The following SMYD3 variants were observed in gnomAD, a reference collection of about 807,000 sequenced individuals.
SMYD3 encodes the protein histone-lysine N-methyltransferase SMYD3.
SMYD3 carries 36 observed loss-of-function variants against 57.7 expected under a neutral mutation model. The ratio of observed to expected loss-of-function variants is 0.62; its 90% CI spans 0.48 to 0.82. The LOEUF (loss-of-function observed/expected upper bound fraction) is 0.82, where lower values mean the gene tolerates loss of function less well. Ranked by LOEUF, SMYD3 falls within the 40% of genes least tolerant of loss-of-function variation. The probability of loss-of-function intolerance (pLI) is 0.00; values close to 1 mark genes in which losing one functional copy is unlikely to be tolerated. For synonymous variants in SMYD3, 211 were observed against 195.0 expected (o/e 1.08, Z -0.68); for missense variants, 515 against 538.8 (o/e 0.96, Z 0.44).
chr1:246,412,947 T>G (rs986261344), intron 1 of SMYD3, among the ~76,000 whole-genome samples: 10 of 152,052 alleles, frequency 6.6e-5, no homozygotes, highest in Non-Finnish European at 1.2e-4. Flanking sequence ...CAGATCTTCC[T>G]AATTACCTGA....
At chr1:246,034,175 AT>A (rs545227516) in intron 5 of SMYD3, among the ~76,000 whole-genome samples, 36 of 152,204 alleles carry the variant, frequency 2.4e-4, no homozygotes, top group South Asian at 4.1e-4. Context: ...ATCCTAGTAG[AT>A]TTTTATTTGT....
intron 5 of SMYD3, among the ~76,000 whole-genome samples, chr1:246,059,885 A>T (rs1013043732): frequency 1.3e-5 from 2 of 152,202 alleles, no homozygotes; most frequent in Non-Finnish European, 1.5e-5. Context: ...AAGCATTAAT[A>T]TGAAAGTTAA....
intron 5 of SMYD3, among the ~76,000 whole-genome samples, chr1:246,163,415 AT>A (rs1191574524): frequency 6.6e-6 from 1 of 152,202 alleles, no homozygotes; most frequent in East Asian, 1.9e-4. Flanking sequence ...TTCTACTTTA[AT>A]TTTATAGGCT....
At chr1:246,161,882 A>G (rs1219399748) in intron 5 of SMYD3, among the ~76,000 whole-genome samples, 2 of 152,170 alleles carry the variant, frequency 1.3e-5, no homozygotes, top group Non-Finnish European at 2.9e-5. Flanking sequence ...TTCAAGCCAA[A>G]AACTCCTAGA....
intron 1 of SMYD3, among the ~76,000 whole-genome samples, chr1:246,469,238 A>C (rs756542421): frequency 2.0e-5 from 3 of 152,190 alleles, no homozygotes; most frequent in Non-Finnish European, 4.4e-5. Flanking sequence ...CAAACAGAGG[A>C]GGTCTCACCA....
At chr1:245,865,654 T>G (rs1421841056) in intron 8 of SMYD3, among the ~76,000 whole-genome samples, 1 of 152,248 alleles carries the variant, frequency 6.6e-6, no homozygotes, top group African/African-American at 2.4e-5. Flanking sequence ...TATTTAAAGC[T>G]GCACTAACAG....
chr1:246,323,133 C>A (rs1168894748), intron 5 of SMYD3, among the ~76,000 whole-genome samples: 1 of 152,166 alleles, frequency 6.6e-6, no homozygotes, highest in African/African-American at 2.4e-5. Flanking sequence ...TGACACCCAC[C>A]CCTAGAAAAA....
At chr1:246,264,670 GCA>G (rs2064071192) in intron 5 of SMYD3, among the ~76,000 whole-genome samples, 1 of 152,154 alleles carries the variant, frequency 6.6e-6, no homozygotes, top group Non-Finnish European at 1.5e-5. Context: ...CTAAGAGTAT[GCA>G]ATCTGAACCA....
intron 5 of SMYD3, among the ~76,000 whole-genome samples, chr1:246,290,393 A>AAG (rs1437093278): frequency 1.3e-5 from 2 of 152,202 alleles, no homozygotes; most frequent in Non-Finnish European, 2.9e-5. Flanking sequence ...GCTATCAGGG[A>AAG]AGAGATATAT....
At chr1:245,803,699 T>C (rs2047988903) in intron 10 of SMYD3, among the ~76,000 whole-genome samples, 1 of 152,204 alleles carries the variant, frequency 6.6e-6, no homozygotes, top group Admixed American at 6.5e-5. Flanking sequence ...AAAATCATTA[T>C]TTCTAGAGTT....
At chr1:246,132,297 A>T (rs969514416) in intron 5 of SMYD3, among the ~76,000 whole-genome samples, 1 of 152,104 alleles carries the variant, frequency 6.6e-6, no homozygotes, top group Non-Finnish European at 1.5e-5. Flanking sequence ...TTATGTTTTT[A>T]AAAAATTAAT....
intron 1 of SMYD3, among the ~76,000 whole-genome samples, chr1:246,373,261 G>T (rs2066219314): frequency 6.6e-6 from 1 of 151,998 alleles, no homozygotes; most frequent in African/African-American, 2.4e-5. Flanking sequence ...AAACATTAAT[G>T]AAAAGGAAAT....
chr1:245,930,306 T>C (rs1400418932), intron 5 of SMYD3: 1 of 361,820 alleles, frequency 2.8e-6, no homozygotes, highest in Non-Finnish European at 5.4e-6. Flanking sequence ...ACTCCTGCTG[T>C]ATCACGATTT....
At chr1:245,800,819 G>A (rs1362961128) in intron 10 of SMYD3, among the ~76,000 whole-genome samples, 1 of 152,214 alleles carries the variant, frequency 6.6e-6, no homozygotes, top group Non-Finnish European at 1.5e-5. Context: ...CGGGCTGGCT[G>A]ACAATGACTC....
intron 5 of SMYD3, among the ~76,000 whole-genome samples, chr1:246,266,543 G>A (rs754708104): frequency 3.9e-4 from 59 of 152,212 alleles, no homozygotes; most frequent in Non-Finnish European, 5.7e-4. Context: ...TTTTATTAAC[G>A]TGATTCCAAA....
intron 5 of SMYD3, among the ~76,000 whole-genome samples, chr1:246,240,265 G>C (rs2063584906): frequency 1.3e-5 from 2 of 152,142 alleles, no homozygotes; most frequent in South Asian, 4.1e-4. Flanking sequence ...ATTAATTTTT[G>C]TATAAGGTGT....
At chr1:246,448,064 C>T in intron 1 of SMYD3, among the ~76,000 whole-genome samples, 1 of 152,068 alleles carries the variant, frequency 6.6e-6, no homozygotes, top group Non-Finnish European at 1.5e-5. Context: ...ATAACATAAT[C>T]AAATTAGCCA....
rs149214008 is a variant in SMYD3 at position 246,489,028 on chromosome 1, G to T, written c.164+18026C>A. Among the ~76,000 whole-genome samples, 313 of 152,242 alleles carry T rather than the reference G, an allele frequency of 2.1e-3. 3 individuals carry two copies. The highest frequency in any genetic ancestry group is 7.1e-3 in the African/African-American group (293 of 41,546). ...CTCCCACTCCCCAGTCATTCTGAGG[G>T]AGGTGAATGGTAGGTCACTTCTGAA... On this transcript the variant is annotated intron_variant, in intron 1 of 11. Coordinates refer to ENST00000490107, the MANE Select transcript of SMYD3 (RefSeq NM_001167740.2).
intron 1 of SMYD3, among the ~76,000 whole-genome samples, chr1:246,403,729 A>G (rs1252746558): frequency 6.6e-6 from 1 of 152,236 alleles, no homozygotes; most frequent in Non-Finnish European, 1.5e-5. Context: ...GTGAAAATTA[A>G]TAACTAATGC....
Sources: allele counts gnomAD v4.1 joint callset (sites outside exome capture counted in the v4.1 genomes callset), GRCh38; gene constraint gnomAD v4.1.1; transcripts MANE v1.5; gene names NCBI Gene and HGNC (gene_info 2026-07-23, HGNC 2026-07-21).